The following SLCO3A1 variants were observed in gnomAD, a reference collection of about 807,000 sequenced individuals.
SLCO3A1 encodes solute carrier organic anion transporter family member 3A1.
In SLCO3A1, 27 loss-of-function variants were observed where a neutral mutation model predicts 63.1. The ratio of observed to expected loss-of-function variants is 0.43; its 90% CI spans 0.32 to 0.59. The LOEUF is 0.59. Ranked by LOEUF, SLCO3A1 falls within the 20% of genes least tolerant of loss-of-function variation. The probability of loss-of-function intolerance (pLI) is 0.09; values close to 1 mark genes in which losing one functional copy is unlikely to be tolerated. For synonymous variants in SLCO3A1, 473 were observed against 409.9 expected, an observed-to-expected ratio of 1.15 and a Z score of -1.86; for missense variants, 773 against 945.8, an observed-to-expected ratio of 0.82 and a Z score of 2.40.
At chr15:91,907,163 T>A (rs1387876715) in intron 1 of SLCO3A1, among the ~76,000 whole-genome samples, 1 of 152,182 alleles carries the variant, frequency 6.6e-6, no homozygotes, top group Non-Finnish European at 1.5e-5. Flanking sequence ...ATGCAGGCGA[T>A]GGCAGAGACG....
At chr15:92,061,508 G>A (rs1047018488) in intron 2 of SLCO3A1, among the ~76,000 whole-genome samples, 4 of 152,322 alleles carry the variant, frequency 2.6e-5, no homozygotes, top group African/African-American at 9.6e-5. Flanking sequence ...CTTCCCAAGC[G>A]TTTGTTCACT....
intron 2 of SLCO3A1, among the ~76,000 whole-genome samples, chr15:92,025,831 A>G (rs555322868): frequency 3.3e-5 from 5 of 152,316 alleles, no homozygotes; most frequent in South Asian, 4.1e-4. Context: ...GCATGGCAGT[A>G]AGAGTTAATG....
chr15:91,935,691 T>G (rs1478560322), intron 2 of SLCO3A1, among the ~76,000 whole-genome samples: 1 of 152,216 alleles, frequency 6.6e-6, no homozygotes, highest in Non-Finnish European at 1.5e-5. Flanking sequence ...TGCCACTTCC[T>G]TCCTGGGGAA....
chr15:92,072,192 C>CT (rs952748577), intron 2 of SLCO3A1, among the ~76,000 whole-genome samples: 9 of 140,804 alleles, frequency 6.4e-5, no homozygotes, highest in Non-Finnish European at 7.6e-5. Flanking sequence ...AACCACCATT[C>CT]TTTTTTTTGG....
chr15:92,065,517 A>G (rs2047140156), intron 2 of SLCO3A1, among the ~76,000 whole-genome samples: 1 of 152,282 alleles, frequency 6.6e-6, no homozygotes, highest in South Asian at 2.1e-4. Context: ...GTTAGGATGA[A>G]TGGAGACAAA....
intron 4 of SLCO3A1, among the ~76,000 whole-genome samples, chr15:92,107,128 C>T (rs1463626508): frequency 1.3e-5 from 2 of 152,106 alleles, no homozygotes; most frequent in African/African-American, 4.8e-5. Context: ...CTGGGACCCG[C>T]GAGGCCATAT....
chr15:91,858,716 G>A (rs1455354209), intron 1 of SLCO3A1, among the ~76,000 whole-genome samples: 1 of 152,232 alleles, frequency 6.6e-6, no homozygotes, highest in African/African-American at 2.4e-5. Context: ...CTGTTATGCT[G>A]CATGGGCTGC....
chr15:91,942,428 A>G lies in SLCO3A1; in HGVS notation c.646+25970A>G, dbSNP rs1434527099. ...AAACATGCCATTTAGCAGTGCTACT[A>G]TGGCACAACTGCAGGGGGCACCATG... On this transcript the variant is annotated intron_variant, in intron 2 of 9. Coordinates refer to ENST00000318445, the MANE Select transcript of SLCO3A1 (RefSeq NM_013272.4). The surrounding 1 kb of genome is among the most constrained non-coding windows in gnomAD (Gnocchi z 4.1). Among the ~76,000 whole-genome samples, 3 of 152,280 alleles carry G rather than the reference A, an allele frequency of 2.0e-5. No individual in the cohort carries two copies. Among genetic ancestry groups the G allele is most frequent in the East Asian group, 3.9e-4 (2 of 5,166 alleles).
At chr15:92,059,168 C>G (rs2047056423) in intron 2 of SLCO3A1, among the ~76,000 whole-genome samples, 1 of 152,216 alleles carries the variant, frequency 6.6e-6, no homozygotes, top group African/African-American at 2.4e-5. Flanking sequence ...TCCACCCTCT[C>G]TTACCAAGTA....
At position 92,163,040 on chromosome 15, in the gene SLCO3A1, A is replaced by G. The variant is rs2048460086; in HGVS notation, c.2038A>G (p.Arg680Gly). 6.3e-7 allele frequency: 1 copy of G among 1,594,886 alleles called. No homozygotes were observed. The highest frequency in any genetic ancestry group is 1.3e-5 in the African/African-American group (1 of 74,348). ...TACTCTGACCCTAGACAACCTGGGG[A>G]GGGACCCTGTGCCCGCAAACCAGAC... ...ASTLTLDNLG[R>G]DPVPANQTHR... is the part of the protein sequence containing the mutation. The change falls in exon 10 of 10, where the codon AGG becomes GGG. Residue 680 changes from arginine to glycine, a missense_variant. Around this residue, in one of 3 missense-constraint regions of SLCO3A1, gnomAD observed 139 missense variants for 131.4 expected, o/e 1.06. Transcript: ENST00000318445.
Position 92,046,023 on chromosome 15 carries a change from T to C in SLCO3A1, c.647-48858T>C, listed in dbSNP as rs147130956. The stretch of plus-strand genomic sequence containing the variant: ...TGAAGGGAAGGGATGGTTTCATTTA[T>C]TTTATTACCATTTTCCAACTGGGTT... On this transcript the variant is annotated intron_variant, in intron 2 of 9. Transcript: ENST00000318445. 8.1e-4 allele frequency among the ~76,000 whole-genome samples: 124 copies of C among 152,304 alleles called. 1 individual carries two copies. The East Asian group carries it at 0.02, about 25-fold the overall frequency.
intron 7 of SLCO3A1, among the ~76,000 whole-genome samples, chr15:92,142,966 C>G (rs996455655): frequency 6.6e-6 from 1 of 152,058 alleles, no homozygotes; most frequent in Admixed American, 6.6e-5. Flanking sequence ...CCAAAGAAAG[C>G]TCACCGATCA....
chr15:92,016,208 G>A, intron 2 of SLCO3A1, among the ~76,000 whole-genome samples: 1 of 105,182 alleles, frequency 9.5e-6, no homozygotes, highest in East Asian at 3.9e-4. Flanking sequence ...TATTTATATA[G>A]ATAGATAGAT....
chr15:91,954,627 C>CG lies in SLCO3A1; in HGVS notation c.646+38173dup, dbSNP rs369601209. On this transcript the variant is annotated intron_variant, in intron 2 of 9. Coordinates refer to ENST00000318445, the MANE Select transcript of SLCO3A1 (RefSeq NM_013272.4). The surrounding 1 kb of genome is among the most constrained non-coding windows in gnomAD (Gnocchi z 4.7). Reference sequence around the variant, plus strand: ...GTGGGGAAGAGGAAGTGGAAGTTGGCGGGGAAGAGTGTTGCAGGTCCAGGA... The same window carrying CG: ...GTGGGGAAGAGGAAGTGGAAGTTGGCGGGGGAAGAGTGTTGCAGGTCCAGGA... 3.7e-3 allele frequency among the ~76,000 whole-genome samples: 569 copies of CG among 151,844 alleles called. 1 individual carries two copies. The highest frequency in any genetic ancestry group is 0.013 in the African/African-American group (538 of 41,322).
intron 2 of SLCO3A1, among the ~76,000 whole-genome samples, chr15:92,060,509 T>C (rs1236025635): frequency 2.6e-5 from 4 of 151,914 alleles, no homozygotes. Context: ...GCCGAGTTTT[T>C]TTTTTTTGGA....
In SLCO3A1 at chr15:91,915,910, C is replaced by T. The variant is rs565787099; in HGVS notation, c.181-83C>T. 1.3e-4 allele frequency: 157 copies of T among 1,197,952 alleles called. No homozygotes were observed. The African/African-American group carries it at 2.2e-3, about 17-fold the overall frequency. The allele number at this position is 1,197,952 out of a possible 1,614,324, so 74.2% of individuals were successfully genotyped here. Reference sequence around the variant, plus strand: ...GTGGGAGGGTCCCGGGGGGGATGGGCAGAGCGCACTGTCAGGCGGGAAGGA... The same window carrying T: ...GTGGGAGGGTCCCGGGGGGGATGGGTAGAGCGCACTGTCAGGCGGGAAGGA... On this transcript the variant is annotated intron_variant, in intron 1 of 9. Transcript: ENST00000318445.
chr15:91,896,978 G>C (rs989629687), intron 1 of SLCO3A1, among the ~76,000 whole-genome samples: 1 of 152,178 alleles, frequency 6.6e-6, no homozygotes, highest in African/African-American at 2.4e-5. Flanking sequence ...GGTGAAACCT[G>C]TCTCTGCCCC....
At chr15:92,053,696 GTTTT>G (rs56305523) in intron 2 of SLCO3A1, among the ~76,000 whole-genome samples, 4 of 23,902 alleles carry the variant, frequency 1.7e-4, no homozygotes, top group African/African-American at 2.5e-4. Flanking sequence ...TTGTTTGTTT[GTTTT>G]TTTTTTTTTT....
intron 2 of SLCO3A1, among the ~76,000 whole-genome samples, chr15:91,943,981 A>G (rs1899712777): frequency 6.6e-6 from 1 of 152,120 alleles, no homozygotes; most frequent in Non-Finnish European, 1.5e-5. Flanking sequence ...TTCTGTCAAT[A>G]GACCTCCATT....
Sources: gnomAD v4.1 joint callset for allele counts (sites outside exome capture counted in the v4.1 genomes callset) on GRCh38, gnomAD v4.1.1 for gene constraint, gnomAD v4.1.1 regional missense constraint, Gnocchi (gnomAD v3.1) non-coding constraint, MANE v1.5 for transcripts, NCBI Gene and HGNC (gene_info 2026-07-23, HGNC 2026-07-21) for gene names.